DIAPH2: variants seen among roughly 807,000 people sequenced by gnomAD.
DIAPH2 encodes protein diaphanous homolog 2.
Under a neutral mutation model 92.7 loss-of-function variants are expected in DIAPH2, and 35 were observed. The observed-to-expected ratio is 0.38, with a 90% CI of 0.29 to 0.50. The LOEUF is 0.50. Among genes scored for constraint, DIAPH2 ranks in the 20% least tolerant of loss-of-function variants. The pLI, the probability that DIAPH2 is intolerant of heterozygous loss-of-function variation, is 0.94. For missense variants in DIAPH2, 701 were observed against 819.5 expected, an observed-to-expected ratio of 0.86 and a Z score of 1.77; for synonymous variants, 301 against 280.4, an observed-to-expected ratio of 1.07 and a Z score of -0.73.
At chrX:96,773,233 T>G (rs1415060159) in intron 4 of DIAPH2, among the ~76,000 whole-genome samples, 1 of 97,163 alleles carries the variant, frequency 1.0e-5, no homozygotes, top group Non-Finnish European at 2.1e-5. Context: ...CCGGCTGAAT[T>G]GTTTCCCCCC....
At chrX:96,985,974 C>G (rs1017314887) in intron 17 of DIAPH2, among the ~76,000 whole-genome samples, 5 of 110,674 alleles carry the variant, frequency 4.5e-5, no homozygotes, top group African/African-American at 1.6e-4. Flanking sequence ...GTCAACTTAT[C>G]AAAATATGTT....
chrX:97,104,804 G>T (rs2066928146), intron 20 of DIAPH2, among the ~76,000 whole-genome samples: 1 of 111,359 alleles, frequency 9.0e-6, no homozygotes, highest in Non-Finnish European at 1.9e-5. Context: ...CCAGAAATTA[G>T]ATTACTCTTG....
Position 97,344,161 on chromosome X carries a change from A to C in DIAPH2, c.2845-3955A>C, listed in dbSNP as rs184241820. 2.0e-4 allele frequency among the ~76,000 whole-genome samples: 23 copies of C among 112,355 alleles called. No individual in the cohort carries two copies. The East Asian group carries it at 6.1e-3, about 30-fold the overall frequency. ...ATAAACTTCTTCAGGGTAGAGATTA[A>C]GGCTTTAATGATCATTCTATCGACC... is the stretch of plus-strand genomic sequence containing the variant. On this transcript the variant is annotated intron_variant, in intron 23 of 26. Transcript: ENST00000324765.
intron 17 of DIAPH2, among the ~76,000 whole-genome samples, chrX:96,988,037 C>T (rs964157907): frequency 1.8e-5 from 2 of 109,619 alleles, no homozygotes; most frequent in Non-Finnish European, 3.8e-5. Context: ...GTATGGGTTC[C>T]TTAATAATGT....
intron 17 of DIAPH2, among the ~76,000 whole-genome samples, chrX:96,990,341 A>C (rs1335893456): frequency 8.9e-6 from 1 of 111,864 alleles, no homozygotes; most frequent in Non-Finnish European, 1.9e-5. Flanking sequence ...AGGGGCTGAA[A>C]TTTGACACGG....
At chrX:97,580,140 C>G (rs2071428620) in intron 26 of DIAPH2, among the ~76,000 whole-genome samples, 1 of 109,757 alleles carries the variant, frequency 9.1e-6, no homozygotes, top group African/African-American at 3.3e-5. Flanking sequence ...TTCCTCTTTT[C>G]CTACTTGAAT....
At chrX:97,422,823 C>T (rs1163507980) in intron 25 of DIAPH2, among the ~76,000 whole-genome samples, 1 of 111,766 alleles carries the variant, frequency 8.9e-6, no homozygotes, top group Non-Finnish European at 1.9e-5. Context: ...AAGGAGAGCA[C>T]AGAGTAATTT....
chrX:97,190,961 G>C (rs755684814), intron 22 of DIAPH2, among the ~76,000 whole-genome samples: 130 of 110,133 alleles, frequency 1.2e-3, no homozygotes, highest in Non-Finnish European at 1.9e-3. Context: ...TAAAGTCCTC[G>C]TCCTTTCCCC....
intron 22 of DIAPH2, among the ~76,000 whole-genome samples, chrX:97,184,795 C>T (rs907881331): frequency 3.6e-5 from 4 of 111,521 alleles, no homozygotes; most frequent in African/African-American, 6.5e-5. Flanking sequence ...TTGTGATTCT[C>T]AAATAATTTA....
chrX:96,839,276 T>C (rs1324084420), intron 4 of DIAPH2, among the ~76,000 whole-genome samples: 1 of 111,155 alleles, frequency 9.0e-6, no homozygotes, highest in East Asian at 2.8e-4. Flanking sequence ...GTCACTCCCC[T>C]AAATGCCTAT....
intron 21 of DIAPH2, among the ~76,000 whole-genome samples, chrX:97,132,060 G>A (rs192521669): frequency 2.7e-5 from 3 of 111,751 alleles, no homozygotes; most frequent in African/African-American, 9.7e-5. Context: ...CTGCTGGTCC[G>A]GAAGGTGGCA....
intron 3 of DIAPH2, among the ~76,000 whole-genome samples, chrX:96,746,684 G>A (rs771755110): frequency 9.1e-6 from 1 of 109,833 alleles, no homozygotes; most frequent in East Asian, 2.9e-4. Context: ...ATCCTGAGTA[G>A]CTGAGACTGT....
intron 23 of DIAPH2, among the ~76,000 whole-genome samples, chrX:97,260,695 A>G (rs367687835): frequency 8.1e-5 from 9 of 111,782 alleles, no homozygotes; most frequent in African/African-American, 2.6e-4. Flanking sequence ...CTTTTTTACT[A>G]TTGGCTAGGG....
intron 15 of DIAPH2, among the ~76,000 whole-genome samples, chrX:96,955,149 T>A (rs1228416895): frequency 9.0e-6 from 1 of 111,574 alleles, no homozygotes; most frequent in African/African-American, 3.3e-5. Context: ...GACTTGCAGT[T>A]TTGCAGAGCT....
chrX:97,526,614 A>G (rs1232210060), intron 26 of DIAPH2, among the ~76,000 whole-genome samples: 1 of 111,343 alleles, frequency 9.0e-6, no homozygotes, highest in Non-Finnish European at 1.9e-5. Context: ...TACCTTCTCC[A>G]TCTCTAACAG....
Position 96,934,688 on chromosome X carries a change from C to T in DIAPH2, c.1090-2545C>T, listed in dbSNP as rs986116853. Reference sequence around the variant, plus strand: ...TGTATTTCATTTATATGGAATTTCACGTCTGATAAATTTGCTTTAGTAATT... The same window carrying T: ...TGTATTTCATTTATATGGAATTTCATGTCTGATAAATTTGCTTTAGTAATT... On this transcript the variant is annotated intron_variant, in intron 10 of 26. Transcript: ENST00000324765. 6.3e-5 allele frequency among the ~76,000 whole-genome samples: 7 copies of T among 111,140 alleles called. 1 individual carries two copies. In the South Asian group the frequency reaches 1.5e-3, roughly 24 times the overall value.
At chrX:97,007,724 T>G (rs2066192404) in intron 17 of DIAPH2, among the ~76,000 whole-genome samples, 1 of 109,244 alleles carries the variant, frequency 9.2e-6, no homozygotes, top group Admixed American at 9.9e-5. Context: ...TTTTCTGATA[T>G]TATCTATTTG....
At chrX:96,769,614 T>C (rs1176390797) in intron 4 of DIAPH2, among the ~76,000 whole-genome samples, 1 of 111,735 alleles carries the variant, frequency 8.9e-6, no homozygotes, top group Non-Finnish European at 1.9e-5. Flanking sequence ...ATCATTTTGG[T>C]GGCTTGTAGT....
Position 96,844,168 on chromosome X carries a change from C to G in DIAPH2, c.448-37411C>G, listed in dbSNP as rs952054763. Among the ~76,000 whole-genome samples the G allele has an allele frequency of 1.2e-4, 13 of 112,457 alleles. 1 individual carries two copies. Among genetic ancestry groups the G allele is most frequent in the African/African-American group, 3.9e-4 (12 of 31,032 alleles). On this transcript the variant is annotated intron_variant, in intron 4 of 26. Transcript: ENST00000324765. ...TGCTAAAATGTAATTTCAATATTTT[C>G]TCTGTAATATTTGATACTCCATTAA...
Sources: gnomAD v4.1 joint callset for allele counts (sites outside exome capture counted in the v4.1 genomes callset) on GRCh38, gnomAD v4.1.1 for gene constraint, MANE v1.5 for transcripts, NCBI Gene and HGNC (gene_info 2026-07-23, HGNC 2026-07-21) for gene names.